DENND6A: variants seen among roughly 807,000 people sequenced by gnomAD.
DENND6A encodes protein DENND6A.
A neutral mutation model predicts 95.5 loss-of-function variants in DENND6A; 43 were observed. The ratio of observed to expected loss-of-function variants is 0.45; its 90% CI spans 0.35 to 0.58. The LOEUF (loss-of-function observed/expected upper bound fraction) is 0.58. Among genes scored for constraint, DENND6A ranks in the 20% least tolerant of loss-of-function variants. The pLI, the probability that DENND6A is intolerant of heterozygous loss-of-function variation, is 0.00. For synonymous variants in DENND6A, 257 were observed against 260.4 expected (o/e 0.99, Z 0.13); for missense variants, 574 against 736.0 (o/e 0.78, Z 2.55).
intron 3 of DENND6A, among the ~76,000 whole-genome samples, chr3:57,667,464 G>C (rs962331142): frequency 1.3e-5 from 2 of 152,134 alleles, no homozygotes; most frequent in Non-Finnish European, 2.9e-5. Context: ...GCCTTAAAAT[G>C]TTATTTTTAT....
At chr3:57,652,063 A>C (rs1426661416) in intron 9 of DENND6A, among the ~76,000 whole-genome samples, 5 of 152,126 alleles carry the variant, frequency 3.3e-5, no homozygotes, top group Non-Finnish European at 5.9e-5. Flanking sequence ...ATAAAAATAA[A>C]TAAATAAATA....
intron 9 of DENND6A, among the ~76,000 whole-genome samples, chr3:57,655,312 C>T (rs1440937311): frequency 6.6e-6 from 1 of 152,260 alleles, no homozygotes; most frequent in Admixed American, 6.5e-5. Flanking sequence ...GGATTACAGG[C>T]GTGAGCCACT....
At chr3:57,680,795 C>CA (rs56988355) in intron 1 of DENND6A, among the ~76,000 whole-genome samples, 125,080 of 152,094 alleles carry the variant, frequency 0.82, 51,743 homozygotes, top group East Asian at 1. Flanking sequence ...CCAATAAGCA[C>CA]TGAAAAAACA....
rs1217720440 is a variant in DENND6A, at chr3:57,634,776, G to A, written c.1133-7C>T. ...ACCTGCTTAGGAATTTCACCTGAAGGAAGCAGCATAAAGATTTTTATAATT... is the reference window on the plus strand; with the variant it reads ...ACCTGCTTAGGAATTTCACCTGAAGAAAGCAGCATAAAGATTTTTATAATT... On this transcript the variant is annotated splice_region_variant and splice_polypyrimidine_tract_variant and intron_variant, in intron 12 of 19. Coordinates refer to ENST00000311128, the MANE Select transcript of DENND6A (RefSeq NM_152678.3). 4.5e-6 allele frequency: 7 copies of A among 1,546,720 alleles called. No individual in the cohort carries two copies. Among genetic ancestry groups the A allele is most frequent in the African/African-American group, 4.2e-5 (3 of 72,028 alleles).
At chr3:57,630,133 C>A (rs1038483403) in intron 18 of DENND6A, among the ~76,000 whole-genome samples, 2 of 152,342 alleles carry the variant, frequency 1.3e-5, no homozygotes, top group East Asian at 3.9e-4. Flanking sequence ...GTTGGCTCCA[C>A]TACTTAGCAG....
chr3:57,678,170 A>C (rs907374433), intron 1 of DENND6A, among the ~76,000 whole-genome samples: 2 of 152,224 alleles, frequency 1.3e-5, no homozygotes, highest in African/African-American at 4.8e-5. Flanking sequence ...TCATAGGATA[A>C]TTTCTCCTGA....
In DENND6A at chr3:57,660,781, T is replaced by A; in HGVS notation, c.678A>T (p.Pro226=). Residue 226 remains proline, a synonymous_variant, in exon 7 of 20, where the codon CCA becomes CCT. Transcript: ENST00000311128. ...APVPGKTLHL[P]IMGVVMKVRI... is the part of the protein sequence containing the mutation. ...TTACCTTCATTACCACCCCCATGAT[T>A]GGCAGGTGTAATGTTTTCCCTGGCA... The A allele has an allele frequency of 6.2e-7, 1 of 1,609,430 alleles. No individual in the cohort carries two copies.
chr3:57,660,248 G>A (rs997182145), intron 7 of DENND6A, among the ~76,000 whole-genome samples: 10 of 149,558 alleles, frequency 6.7e-5, no homozygotes, highest in Non-Finnish European at 1.3e-4. Flanking sequence ...AGGCTGGAAT[G>A]CAGTGATGCA....
chr3:57,662,296 T>A (rs1203011455), intron 5 of DENND6A, among the ~76,000 whole-genome samples: 7 of 146,564 alleles, frequency 4.8e-5, no homozygotes, highest in African/African-American at 1.7e-4. Flanking sequence ...GCTCAGGTGA[T>A]CCTCCGACCT....
intron 1 of DENND6A, among the ~76,000 whole-genome samples, chr3:57,681,670 C>T (rs950744815): frequency 2.7e-5 from 4 of 147,648 alleles, no homozygotes; most frequent in Non-Finnish European, 4.5e-5. Context: ...AGAAACAATC[C>T]AAATTTTCAT....
intron 1 of DENND6A, among the ~76,000 whole-genome samples, chr3:57,678,930 C>A (rs1278646037): frequency 6.6e-6 from 1 of 152,162 alleles, no homozygotes; most frequent in Non-Finnish European, 1.5e-5. Context: ...ATGGCAAAAC[C>A]CTGTCTCTGC....
intron 3 of DENND6A, 54 bp downstream of exon 3, chr3:57,672,202 A>G: frequency 6.8e-7 from 1 of 1,475,468 alleles, no homozygotes; most frequent in East Asian, 2.3e-5. Flanking sequence ...TTAACAGTAT[A>G]ACCAGTATTC....
At position 57,665,986 on chromosome 3, in the gene DENND6A, T is replaced by C. The variant is rs571938647; in HGVS notation, c.432+137A>G. The stretch of plus-strand genomic sequence containing the variant: ...GATGCTGAATCCTTATGAATAAGAC[T>C]CACTTTGGAAATTCAGCTATATAAT... On this transcript the variant is annotated intron_variant, in intron 4 of 19. Coordinates refer to ENST00000311128, the MANE Select transcript of DENND6A (RefSeq NM_152678.3). 1.8e-5 allele frequency: 10 copies of C among 566,188 alleles called. No homozygotes were observed. In the South Asian group the frequency reaches 2.3e-4, roughly 13 times the overall value. 35.1% of individuals were successfully genotyped at this position (566,188 alleles called of 1,614,324 possible).
intron 1 of DENND6A, among the ~76,000 whole-genome samples, chr3:57,689,624 C>A (rs180852640): frequency 8.5e-5 from 13 of 152,192 alleles, no homozygotes; most frequent in Admixed American, 3.9e-4. Context: ...AACCACTCCC[C>A]CTTCTACTCA....
chr3:57,634,743 T>C lies in DENND6A; in HGVS notation c.1159A>G (p.Lys387Glu), dbSNP rs762264303. ...TGEIPKQVKV[K>E]KLKNLKTLDS... ...AGAGTCTTTAGATTCTTCAGTTTTT[T>C]CACTTTAACCTGCTTAGGAATTTCA... Residue 387 changes from lysine (K) to glutamate (E), a missense_variant, in exon 13 of 20, where the codon AAA becomes GAA. Around this residue, in one of 2 missense-constraint regions of DENND6A, gnomAD observed 452 missense variants for 630.9 expected, o/e 0.72. Transcript: ENST00000311128. 17 of 1,573,282 alleles carry C rather than the reference T, an allele frequency of 1.1e-5. No individual in the cohort carries two copies. The highest frequency in any genetic ancestry group is 1.8e-4 in the Middle Eastern group (1 of 5,550).
At chr3:57,692,753 C>A (rs1225863107) in intron 1 of DENND6A, 29 bp downstream of exon 1, 2 of 1,430,224 alleles carry the variant, frequency 1.4e-6, no homozygotes, top group Non-Finnish European at 1.8e-6. Context: ...AGGGGAGGAG[C>A]GCCGAGAAAG....
In DENND6A at chr3:57,657,680, C is replaced by T; in HGVS notation, c.818G>A (p.Arg273Lys). ...GTTAATAAAATTTTTTATTCTTTAC[C>T]TGAAAATATCCACCTCATGAACAGT... Reference protein sequence around the residue: ...LPTVHEVDIFRCFCPVFLHSQ... With the variant: ...LPTVHEVDIFKCFCPVFLHSQ... Residue 273 changes from arginine (R) to lysine (K), a missense_variant and splice_region_variant, in exon 9 of 20, where the codon AGG becomes AAG. Physicochemically the swap from Arg to Lys is conservative, Grantham distance 26. Transcript: ENST00000311128. The T allele has an allele frequency of 6.4e-7, 1 of 1,558,562 alleles. No homozygotes were observed.
chr3:57,678,563 A>G (rs2077130069), intron 1 of DENND6A, among the ~76,000 whole-genome samples: 1 of 152,244 alleles, frequency 6.6e-6, no homozygotes, highest in Non-Finnish European at 1.5e-5. Flanking sequence ...CTAACCTCCA[A>G]TCATATTTAG....
chr3:57,667,723 G>A (rs1357910365), intron 3 of DENND6A, among the ~76,000 whole-genome samples: 1 of 152,136 alleles, frequency 6.6e-6, no homozygotes, highest in African/African-American at 2.4e-5. Context: ...TGCAAGTTGA[G>A]AATATATATT....
Sources: allele counts gnomAD v4.1 joint callset (sites outside exome capture counted in the v4.1 genomes callset), GRCh38; gene constraint gnomAD v4.1.1; regional missense constraint gnomAD v4.1.1; transcripts MANE v1.5; gene names NCBI Gene and HGNC (gene_info 2026-07-23, HGNC 2026-07-21).